Variants in CCDC190 observed in about 807,000 individuals in gnomAD.
The protein encoded by CCDC190 is coiled-coil domain containing 190.
A neutral mutation model predicts 13.1 loss-of-function variants in CCDC190; 10 were observed. The ratio of observed to expected loss-of-function variants is 0.77; its 90% CI spans 0.47 to 1.30. CCDC190 has a LOEUF of 1.30. Among genes scored for constraint, CCDC190 ranks in the 50% most tolerant of loss-of-function variants. CCDC190 has a pLI of 0.00. For synonymous variants in CCDC190, 136 were observed against 127.2 expected (o/e 1.07, Z -0.47); for missense variants, 375 against 354.3 (o/e 1.06, Z -0.47).
intron 2 of CCDC190, among the ~76,000 whole-genome samples, chr1:162,856,780 TC>T (rs1488064322): frequency 6.6e-6 from 1 of 152,178 alleles, no homozygotes; most frequent in Non-Finnish European, 1.5e-5. Flanking sequence ...TATGATCACT[TC>T]TTTGTGAAGT....
At chr1:162,867,390 C>T (rs1650744857) in intron 1 of CCDC190, among the ~76,000 whole-genome samples, 1 of 152,094 alleles carries the variant, frequency 6.6e-6, no homozygotes, top group African/African-American at 2.4e-5. Context: ...CGAGGTAACC[C>T]TTTTTACCGT....
At chr1:162,865,785 C>G (rs1212723692), upstream of CCDC190, among the ~76,000 whole-genome samples, 1 of 152,072 alleles carries the variant, frequency 6.6e-6, no homozygotes, top group African/African-American at 2.4e-5. Context: ...CTATAATAAA[C>G]CCATAGTAAA....
At chr1:162,855,531 A>G in intron 3 of CCDC190, 101 bp downstream of exon 3, 1 of 1,535,156 alleles carries the variant, frequency 6.5e-7, no homozygotes, top group Non-Finnish European at 8.8e-7. Context: ...GTCTCACTTA[A>G]GAAGTGGAAC....
chr1:162,854,788 G>C lies in CCDC190; in HGVS notation c.883C>G (p.Pro295Ala). ...RAGKECENRV[P>A]SKFLPL is the part of the protein sequence containing the mutation. ...GGTTAGAGAGGAAGAAACTTAGAAG[G>C]CACCCTGTTTTCACACTCCTTTCCT... is the stretch of plus-strand genomic sequence containing the variant. Residue 295 changes from proline (P) to alanine (A), a missense_variant, in exon 4 of 4, where the codon CCT (proline) becomes GCT (alanine). Physicochemically the swap from Pro to Ala is conservative, Grantham distance 27 (BLOSUM62 -1). Transcript: ENST00000367912. 6.2e-7 allele frequency: 1 copy of C among 1,610,538 alleles called. No homozygotes were observed.
chr1:162,853,579 G>A lies in CCDC190; in HGVS notation c.*1186C>T, dbSNP rs1650183033. On this transcript the variant is annotated 3_prime_UTR_variant, in exon 4 of 4. Coordinates refer to ENST00000367912, the MANE Select transcript of CCDC190 (RefSeq NM_001394065.1). ...TAAATATGAATTAATCTTCATTTCA[G>A]GCCCTTTGTAATATTAGTAGGTTGG... Among the ~76,000 whole-genome samples the A allele has an allele frequency of 6.6e-6, 1 of 152,032 alleles. No homozygotes were observed.
intron 1 of CCDC190, among the ~76,000 whole-genome samples, chr1:162,867,400 T>C (rs1215237758): frequency 6.6e-6 from 1 of 152,212 alleles, no homozygotes; most frequent in Non-Finnish European, 1.5e-5. Flanking sequence ...CTTTTTACCG[T>C]TAGCACAATT....
rs1650263921 is a variant in CCDC190 at position 162,855,336 on chromosome 1, T to G, written c.335A>C (p.Gln112Pro). 1.9e-6 allele frequency: 3 copies of G among 1,608,588 alleles called. No homozygotes were observed. Among genetic ancestry groups the G allele is most frequent in the African/African-American group, 2.7e-5 (2 of 74,612 alleles). Residue 112 changes from glutamine to proline, a missense_variant, in exon 4 of 4, where the codon CAA becomes CCA. Gln to Pro is a moderately conservative substitution (Grantham distance 76). Transcript: ENST00000367912. Reference sequence around the variant, plus strand: ...CTGGGACTTGCTTTTGCATGTGTCTTGGGCCATACGGGTTGCCAATGCTCT... The same window carrying G: ...CTGGGACTTGCTTTTGCATGTGTCTGGGGCCATACGGGTTGCCAATGCTCT... The part of the protein sequence containing the change: ...KMRALATRMA[Q>P]DTCKSKSQVP...
chr1:162,853,175 C>A lies in CCDC190; in HGVS notation c.*1590G>T. 2 of 1,538,028 alleles carry A rather than the reference C, an allele frequency of 1.3e-6. No individual in the cohort carries two copies. Among genetic ancestry groups the A allele is most frequent in the Non-Finnish European group, 1.8e-6 (2 of 1,140,472 alleles). On this transcript the variant is annotated 3_prime_UTR_variant, in exon 4 of 4. Coordinates refer to ENST00000367912, the MANE Select transcript of CCDC190 (RefSeq NM_001394065.1). ...CCAGAGGCTGGGCTGATGAAACTGA[C>A]TCTCAAATGTTTGATCTAAGTTTTT... is the stretch of plus-strand genomic sequence containing the variant.
chr1:162,864,763 CAAGT>C (rs1339097709), upstream of CCDC190, among the ~76,000 whole-genome samples: 9 of 151,312 alleles, frequency 5.9e-5, no homozygotes, highest in East Asian at 1.6e-3. Context: ...AAGAAATCAA[CAAGT>C]AAGATAAAAT....
At chr1:162,864,212 T>C (rs1481400482), upstream of CCDC190, among the ~76,000 whole-genome samples, 5 of 152,032 alleles carry the variant, frequency 3.3e-5, no homozygotes, top group East Asian at 9.7e-4. Context: ...AACCAGAAGA[T>C]AGTGGAGCAA....
intron 1 of CCDC190, among the ~76,000 whole-genome samples, chr1:162,860,294 G>A (rs140951389): frequency 6.6e-5 from 10 of 152,246 alleles, no homozygotes; most frequent in South Asian, 2.1e-4. Context: ...CAGCATCCAC[G>A]ATGAGTAGTC....
intron 1 of CCDC190, among the ~76,000 whole-genome samples, chr1:162,860,307 G>A (rs1650460741): frequency 6.6e-6 from 1 of 152,070 alleles, no homozygotes; most frequent in Non-Finnish European, 1.5e-5. Context: ...GAGTAGTCTG[G>A]GCAACACTGG....
At chr1:162,860,894 A>T (rs1004785192) in intron 1 of CCDC190, 114 bp downstream of exon 1, 1 of 366,968 alleles carries the variant, frequency 2.7e-6, no homozygotes, top group African/African-American at 2.2e-5. Context: ...AAAGCTTAAC[A>T]TTAAAAAGGA....
chr1:162,853,222 T>C lies in CCDC190; in HGVS notation c.*1543A>G, dbSNP rs1456526547. 7.3e-7 allele frequency: 1 copy of C among 1,363,498 alleles called. No individual in the cohort carries two copies. Among genetic ancestry groups the C allele is most frequent in the Non-Finnish European group, 9.9e-7 (1 of 1,005,896 alleles). 84.5% of individuals were successfully genotyped at this position (1,363,498 alleles called of 1,614,324 possible). On this transcript the variant is annotated 3_prime_UTR_variant, in exon 4 of 4. Coordinates refer to ENST00000367912, the MANE Select transcript of CCDC190 (RefSeq NM_001394065.1). ...TTTTGTCTTCAGATAGGTGGTAGTG[T>C]GGTGTAATGAAAGAGCATGAGCAAG...
Position 162,851,044 on chromosome 1 carries a change from G to A in CCDC190, c.*3721C>T, listed in dbSNP as rs909908698. ...CTTCTGTTTTAAAAGTTTTATTTCC[G>A]GTAGATATTCATTTAACTGCATTTA... is the stretch of plus-strand genomic sequence containing the variant. On this transcript the variant is annotated 3_prime_UTR_variant, in exon 4 of 4. Transcript: ENST00000367912. Among the ~76,000 whole-genome samples the A allele has an allele frequency of 2.0e-5, 3 of 152,018 alleles. No homozygotes were observed. The highest frequency in any genetic ancestry group is 2.9e-5 in the Non-Finnish European group (2 of 68,016).
Position 162,853,129 on chromosome 1 carries a change from G to T in CCDC190, c.*1636C>A. 1.3e-6 allele frequency: 2 copies of T among 1,550,388 alleles called. No homozygotes were observed. Among genetic ancestry groups the T allele is most frequent in the South Asian group, 1.2e-5 (1 of 83,906 alleles). On this transcript the variant is annotated 3_prime_UTR_variant, in exon 4 of 4. Coordinates refer to ENST00000367912, the MANE Select transcript of CCDC190 (RefSeq NM_001394065.1). ...TTTCTTGTGTTCCTTTCACTATAAA[G>T]TATTGTCTCCCCATTGAAGGCCAGA...
At chr1:162,857,446 T>C (rs1262584366) in intron 2 of CCDC190, among the ~76,000 whole-genome samples, 5 of 152,228 alleles carry the variant, frequency 3.3e-5, no homozygotes, top group Non-Finnish European at 5.9e-5. Flanking sequence ...AGACATTGGC[T>C]ATTTTGTGTT....
At chr1:162,861,437 A>ATT (rs112152644), upstream of CCDC190, among the ~76,000 whole-genome samples, 1 of 142,550 alleles carries the variant, frequency 7.0e-6, no homozygotes, top group Non-Finnish European at 1.5e-5. Flanking sequence ...GTTTCTCTCC[A>ATT]TTTTTTTTTT....
At chr1:162,859,086 A>C (rs533163094) in intron 2 of CCDC190, among the ~76,000 whole-genome samples, 71 of 152,368 alleles carry the variant, frequency 4.7e-4, no homozygotes, top group Admixed American at 3.4e-3. Context: ...TGTTAGATCC[A>C]AAAGAGAAAG....
Sources: allele counts gnomAD v4.1 joint callset (sites outside exome capture counted in the v4.1 genomes callset), GRCh38; gene constraint gnomAD v4.1.1; transcripts MANE v1.5; gene names NCBI Gene and HGNC (gene_info 2026-07-23, HGNC 2026-07-21).